The following HFM1 variants were observed in gnomAD, a reference collection of about 807,000 sequenced individuals.
HFM1 encodes the protein helicase for meiosis 1, also known as probable ATP-dependent DNA helicase HFM1.
In HFM1, 169 loss-of-function variants were observed where a neutral mutation model predicts 192.1. That is an observed-to-expected ratio of 0.88 (90% CI 0.78 to 1.00). HFM1 has a LOEUF of 1.00. Ranked by LOEUF, HFM1 falls within the 50% of genes least tolerant of loss-of-function variation. The probability of loss-of-function intolerance (pLI) is 0.00; values close to 1 mark genes in which losing one functional copy is unlikely to be tolerated. For missense variants in HFM1, 1,661 were observed against 1,668.0 expected, an observed-to-expected ratio of 1.00 and a Z score of 0.07; for synonymous variants, 525 against 537.8, an observed-to-expected ratio of 0.98 and a Z score of 0.33.
chr1:91,332,908 T>C (rs796452585), intron 20 of HFM1, among the ~76,000 whole-genome samples: 8 of 152,316 alleles, frequency 5.3e-5, no homozygotes, highest in African/African-American at 1.9e-4. Context: ...AGATATCATC[T>C]CACCGCAGTT....
rs762238830 is a variant in HFM1 at position 91,380,965 on chromosome 1, T to C, written c.820A>G (p.Ile274Val). The C allele has an allele frequency of 1.4e-6, 2 of 1,457,322 alleles. No homozygotes were observed. Among genetic ancestry groups the C allele is most frequent in the Non-Finnish European group, 9.6e-7 (1 of 1,040,158 alleles). The allele number at this position is 1,457,322 out of a possible 1,614,324, so 90.3% of individuals were successfully genotyped here. A position where few individuals can be genotyped will look rare whatever the true frequency, so the allele number is the denominator to read the frequency against. ...TTGAAATATGGAAATTCTTTGAAAA[T>C]ACTTCTAAATTTTGCCGCTTACAAT... The part of the protein sequence containing the change: ...VTEIPAKFRS[I>V]FKEFPYFNYI... Residue 274 changes from isoleucine to valine, a missense_variant, in exon 7 of 39, where the codon ATT (isoleucine) becomes GTT (valine). Physicochemically the swap from Ile to Val is conservative, Grantham distance 29. Transcript: ENST00000370425.
intron 23 of HFM1, among the ~76,000 whole-genome samples, chr1:91,322,518 T>C (rs1269430169): frequency 6.6e-6 from 1 of 152,172 alleles, no homozygotes; most frequent in Non-Finnish European, 1.5e-5. Flanking sequence ...AAACTCCCCA[T>C]TTTTGGCAGA....
At chr1:91,403,821 T>C (rs1664560673) in intron 1 of HFM1, among the ~76,000 whole-genome samples, 2 of 152,214 alleles carry the variant, frequency 1.3e-5, no homozygotes, top group African/African-American at 4.8e-5. Context: ...ATACAATTAA[T>C]CTTTAGTTAT....
At chr1:91,353,634 A>G (rs1270187520) in intron 13 of HFM1, among the ~76,000 whole-genome samples, 1 of 142,280 alleles carries the variant, frequency 7.0e-6, no homozygotes, top group East Asian at 2.1e-4. Context: ...TAAAACTACT[A>G]TATTACTAGT....
intron 13 of HFM1, among the ~76,000 whole-genome samples, chr1:91,356,346 C>T (rs1260569098): frequency 2.0e-5 from 3 of 151,536 alleles, no homozygotes; most frequent in East Asian, 1.9e-4. Flanking sequence ...CAGGTTCAAG[C>T]GATTCTCCTG....
intron 7 of HFM1, 146 bp from the exon 8 acceptor site, chr1:91,380,382 TC>T (rs1267838278): frequency 1.8e-5 from 9 of 504,790 alleles, no homozygotes; most frequent in Non-Finnish European, 2.1e-5. Flanking sequence ...GTAACTTTGC[TC>T]CAGAGCCTCC....
intron 25 of HFM1, among the ~76,000 whole-genome samples, chr1:91,318,538 CAT>C (rs1013519246): frequency 1.9e-4 from 29 of 152,194 alleles, no homozygotes; most frequent in African/African-American, 6.7e-4. Context: ...CCTACAGTCT[CAT>C]AGCACACACT....
At chr1:91,393,244 ATTC>A (rs926324412) in intron 4 of HFM1, among the ~76,000 whole-genome samples, 1 of 152,038 alleles carries the variant, frequency 6.6e-6, no homozygotes, top group Non-Finnish European at 1.5e-5. Flanking sequence ...AATTTATTCC[ATTC>A]TTCTCATTCT....
chr1:91,406,361 C>A (rs1250274059), upstream of HFM1, among the ~76,000 whole-genome samples: 1 of 152,222 alleles, frequency 6.6e-6, no homozygotes, highest in Non-Finnish European at 1.5e-5. Flanking sequence ...GGGAGTCTTA[C>A]TGTCAAAGCA....
At chr1:91,271,405 G>A (rs945841356) in intron 34 of HFM1, among the ~76,000 whole-genome samples, 3 of 152,126 alleles carry the variant, frequency 2.0e-5, no homozygotes, top group Non-Finnish European at 4.4e-5. Context: ...GTTTACTTGA[G>A]ACAATTGGTT....
intron 3 of HFM1, among the ~76,000 whole-genome samples, chr1:91,394,863 T>C (rs1160928183): frequency 1.3e-5 from 2 of 152,094 alleles, no homozygotes; most frequent in African/African-American, 4.8e-5. Flanking sequence ...AATAAAGGAA[T>C]GTTTTCATCA....
intron 30 of HFM1, among the ~76,000 whole-genome samples, chr1:91,279,898 C>T (rs1667305727): frequency 6.6e-6 from 1 of 151,832 alleles, no homozygotes; most frequent in Non-Finnish European, 1.5e-5. Flanking sequence ...TGGTGAAGTA[C>T]AGGGAACACT....
chr1:91,311,531 C>T (rs1650451145), intron 30 of HFM1, among the ~76,000 whole-genome samples: 1 of 151,342 alleles, frequency 6.6e-6, no homozygotes, highest in African/African-American at 2.4e-5. Flanking sequence ...GAGGCAGAGA[C>T]AGGAGAATTG....
At chr1:91,275,733 T>C (rs868135566) in intron 32 of HFM1, among the ~76,000 whole-genome samples, 10 of 152,188 alleles carry the variant, frequency 6.6e-5, no homozygotes, top group African/African-American at 1.2e-4. Flanking sequence ...CCATTGCTAT[T>C]GCCACTACCC....
intron 20 of HFM1, among the ~76,000 whole-genome samples, chr1:91,332,341 A>G (rs1014051296): frequency 2.0e-5 from 3 of 152,198 alleles, no homozygotes; most frequent in Admixed American, 1.3e-4. Context: ...GGTGCCAAGA[A>G]CATACATTAG....
chr1:91,328,625 T>C, intron 20 of HFM1: 2 of 1,597,028 alleles, frequency 1.3e-6, no homozygotes, highest in Admixed American at 1.7e-5. Context: ...ATCAAGCCCA[T>C]GTATGTCTTT....
At chr1:91,269,120 T>C (rs374700278) in intron 34 of HFM1, among the ~76,000 whole-genome samples, 3 of 152,058 alleles carry the variant, frequency 2.0e-5, no homozygotes, top group South Asian at 4.1e-4. Flanking sequence ...CAAACCCAGA[T>C]TGGTAGTATT....
intron 30 of HFM1, among the ~76,000 whole-genome samples, chr1:91,284,074 A>G (rs1035369946): frequency 1.3e-5 from 2 of 152,072 alleles, no homozygotes; most frequent in Non-Finnish European, 2.9e-5. Context: ...GAAAAGGAAT[A>G]CACTGAACTG....
At chr1:91,369,658 C>A (rs1366372221) in intron 13 of HFM1, among the ~76,000 whole-genome samples, 4 of 152,108 alleles carry the variant, frequency 2.6e-5, no homozygotes, top group Non-Finnish European at 4.4e-5. Context: ...AAAATTGACA[C>A]CCTAACATCA....
Sources: gnomAD v4.1 joint callset for allele counts (sites outside exome capture counted in the v4.1 genomes callset) on GRCh38, gnomAD v4.1.1 for gene constraint, MANE v1.5 for transcripts, NCBI Gene and HGNC (gene_info 2026-07-23, HGNC 2026-07-21) for gene names.